The following APEX2 variants were observed in gnomAD, a reference collection of about 807,000 sequenced individuals.
The protein encoded by APEX2 is apurinic/apyrimidinic endodeoxyribonuclease 2.
In APEX2, 4 loss-of-function variants were observed where a neutral mutation model predicts 16.7. The ratio of observed to expected loss-of-function variants is 0.24; its 90% CI spans 0.12 to 0.55. The LOEUF (loss-of-function observed/expected upper bound fraction) is 0.55, where lower values mean the gene tolerates loss of function less well. Among genes scored for constraint, APEX2 ranks in the 20% least tolerant of loss-of-function variants. APEX2 has a pLI of 0.94. For synonymous variants in APEX2, 181 were observed against 166.9 expected, an observed-to-expected ratio of 1.08 and a Z score of -0.65; for missense variants, 357 against 433.6, an observed-to-expected ratio of 0.82 and a Z score of 1.57.
At position 55,007,116 on chromosome X, in the gene APEX2, C is replaced by A. The variant is rs766929098; in HGVS notation, c.1238C>A (p.Pro413His). 8.3e-7 allele frequency: 1 copy of A among 1,210,336 alleles called. No individual in the cohort carries two copies. Residue 413 changes from proline (P) to histidine (H), a missense_variant, in exon 6 of 6, where the codon CCT becomes CAT. Physicochemically the swap from Pro to His is moderately conservative, Grantham distance 77. Coordinates refer to ENST00000374987, the MANE Select transcript of APEX2 (RefSeq NM_014481.4). ...CAAGCCTCTCCTGACATAGAGCTGC[C>A]TAGCCTACCACTGATGAGCGCCCTC... ...CPQASPDIELPSLPLMSALMT... is the reference protein window; with the variant it reads ...CPQASPDIELHSLPLMSALMT...
In APEX2 at chrX:55,006,373, C is replaced by T. The variant is rs769497829; in HGVS notation, c.640-145C>T. On this transcript the variant is annotated intron_variant, in intron 5 of 5. Transcript: ENST00000374987. ...ATCAGAATCCCAGCTCTGCCAATTCCGGACTGTGTGACCTTGAGCAGTAGT... is the reference window on the plus strand; with the variant it reads ...ATCAGAATCCCAGCTCTGCCAATTCTGGACTGTGTGACCTTGAGCAGTAGT... 7.9e-5 allele frequency: 29 copies of T among 365,486 alleles called. No individual in the cohort carries two copies. The South Asian group carries it at 1.6e-3, about 20-fold the overall frequency. The allele number at this position is 365,486 out of a possible 1,213,427, so 30.1% of individuals were successfully genotyped here. A position where few individuals can be genotyped will look rare whatever the true frequency, so the allele number is the denominator to read the frequency against.
At position 55,007,429 on chromosome X, in the gene APEX2, C is replaced by T; in HGVS notation, c.1551C>T (p.Pro517=). The part of the protein sequence containing the change: ...SRCNFFLWSR[P]S ...GCAACTTCTTCCTCTGGAGCAGGCC[C>T]AGCTGAACCAATGGAGGCCTGGGGA... is the stretch of plus-strand genomic sequence containing the variant. Residue 517 remains proline (P), a synonymous_variant, in exon 6 of 6, where the codon CCC becomes CCT. Transcript: ENST00000374987. 1.7e-6 allele frequency: 2 copies of T among 1,157,196 alleles called. No individual in the cohort carries two copies. The highest frequency in any genetic ancestry group is 2.4e-4 in the Middle Eastern group (1 of 4,106).
chrX:55,001,985 C>A (rs1209170723), intron 2 of APEX2, among the ~76,000 whole-genome samples: 1 of 111,756 alleles, frequency 8.9e-6, no homozygotes, highest in Non-Finnish European at 1.9e-5. Context: ...GGGGCTGTTA[C>A]AAGGATTAAA....
intron 3 of APEX2, among the ~76,000 whole-genome samples, chrX:55,002,681 C>CA (rs1935460561): frequency 1.8e-5 from 2 of 111,775 alleles, no homozygotes; most frequent in African/African-American, 6.5e-5. Context: ...ATAGACATCT[C>CA]AAAAGCAACT....
In APEX2 at chrX:55,007,019, C is replaced by T. The variant is rs1298678913; in HGVS notation, c.1141C>T (p.Pro381Ser). Residue 381 changes from proline to serine, a missense_variant, in exon 6 of 6, where the codon CCC (proline) becomes TCC (serine). Transcript: ENST00000374987. ...CCAAGTGCGCTCAACCAGGCCTCAGCCCAGTCAGGTTGGCTCTAGCAGAGG... is the reference window on the plus strand; with the variant it reads ...CCAAGTGCGCTCAACCAGGCCTCAGTCCAGTCAGGTTGGCTCTAGCAGAGG... ...KAQVRSTRPQ[P>S]SQVGSSRGQK... 1 of 1,210,141 alleles carries T rather than the reference C, an allele frequency of 8.3e-7. No homozygotes were observed. The highest frequency in any genetic ancestry group is 2.2e-5 in the Admixed American group (1 of 45,851).
intron 5 of APEX2, 119 bp downstream of exon 5, chrX:55,003,987 C>G: frequency 1.6e-6 from 1 of 613,207 alleles, no homozygotes; most frequent in Non-Finnish European, 2.6e-6. Context: ...GCTTGGCTTG[C>G]AATACTATTC....
At position 55,006,918 on chromosome X, in the gene APEX2, A is replaced by G. The variant is rs1251399551; in HGVS notation, c.1040A>G (p.Glu347Gly). The change falls in exon 6 of 6, where the codon GAA becomes GGA. Residue 347 changes from glutamate to glycine, a missense_variant. By Grantham distance (98) the Glu-to-Gly change is moderately conservative (BLOSUM62 -2). Coordinates refer to ENST00000374987, the MANE Select transcript of APEX2 (RefSeq NM_014481.4). ...ATCCTTCGCTTCCTAGTTCCTCTCGAACAAAGTCCTGTGTTGGAGCAGTCG... is the reference window on the plus strand; with the variant it reads ...ATCCTTCGCTTCCTAGTTCCTCTCGGACAAAGTCCTGTGTTGGAGCAGTCG... The part of the protein sequence containing the change: ...LKILRFLVPL[E>G]QSPVLEQSTL... 7.4e-6 allele frequency: 9 copies of G among 1,211,703 alleles called. No homozygotes were observed. Among genetic ancestry groups the G allele is most frequent in the Non-Finnish European group, 1.0e-5 (9 of 895,496 alleles).
At position 55,002,430 on chromosome X, in the gene APEX2, C is replaced by G. The variant is rs2301416; in HGVS notation, c.421C>G (p.Arg141Gly). 1.3e-5 allele frequency: 15 copies of G among 1,182,046 alleles called. No individual in the cohort carries two copies. Among genetic ancestry groups the G allele is most frequent in the Non-Finnish European group, 1.7e-5 (15 of 883,239 alleles). Residue 141 changes from arginine (R) to glycine (G), a missense_variant and splice_region_variant, in exon 3 of 6, where the codon CGC becomes GGC. Physicochemically the swap from Arg to Gly is moderately radical, Grantham distance 125. Transcript: ENST00000374987. Reference protein sequence around the residue: ...GRALLTQHKIRTWEGKEKTLT... With the variant: ...GRALLTQHKIGTWEGKEKTLT... Reference sequence around the variant, plus strand: ...GGCCCTCCTCACACAGCATAAGATCCGGTAATAGCTCATATCTCCCTGCTA... The same window carrying G: ...GGCCCTCCTCACACAGCATAAGATCGGGTAATAGCTCATATCTCCCTGCTA...
chrX:55,002,934 C>G (rs1261886128), intron 3 of APEX2, 28 bp from the exon 4 acceptor site: 2 of 1,197,705 alleles, frequency 1.7e-6, no homozygotes, highest in Admixed American at 4.5e-5. Context: ...TGAAACTGAC[C>G]CCTTTTGGGG....
Position 55,004,686 on chromosome X carries a change from T to C in APEX2, c.639+818T>C, listed in dbSNP as rs181391127. Among the ~76,000 whole-genome samples the C allele has an allele frequency of 2.7e-5, 3 of 111,440 alleles. No individual in the cohort carries two copies. In the East Asian group the frequency reaches 8.5e-4, roughly 31 times the overall value. ...CCTGTCGGCCCGTTGTAAAAGTTAT[T>C]CTCATTCTGGCTTTTCTCACTGTGC... On this transcript the variant is annotated intron_variant, in intron 5 of 5. Transcript: ENST00000374987.
intron 5 of APEX2, among the ~76,000 whole-genome samples, chrX:55,004,842 A>G (rs1183895756): frequency 9.0e-6 from 1 of 110,537 alleles, no homozygotes; most frequent in Non-Finnish European, 1.9e-5. Flanking sequence ...TCTTAGCACT[A>G]CTCCAGATCA....
chrX:55,004,258 C>T (rs1029770573), intron 5 of APEX2, among the ~76,000 whole-genome samples: 7 of 112,817 alleles, frequency 6.2e-5, no homozygotes, highest in African/African-American at 2.3e-4. Context: ...TCAGGACAGG[C>T]AGCTGAAAAT....
At chrX:55,002,014 A>G (rs1267099823) in intron 2 of APEX2, among the ~76,000 whole-genome samples, 1 of 112,401 alleles carries the variant, frequency 8.9e-6, no homozygotes, top group Non-Finnish European at 1.9e-5. Flanking sequence ...TCCATGTGAT[A>G]ATAATAATTG....
intron 5 of APEX2, 150 bp downstream of exon 5, chrX:55,004,018 C>A: frequency 1.9e-6 from 1 of 519,830 alleles, no homozygotes; most frequent in South Asian, 3.1e-5. Flanking sequence ...GAGGATTGGT[C>A]ATTCATTCAA....
chrX:55,007,569 TC>T lies in APEX2; in HGVS notation c.*136del. On this transcript the variant is annotated 3_prime_UTR_variant, in exon 6 of 6. Coordinates refer to ENST00000374987, the MANE Select transcript of APEX2 (RefSeq NM_014481.4). ...TCTCTTCCTCTTTTAAGCCCTCTCT[TC>T]CTCGCTTTCCTTCCTACCTAGCTCC... The T allele has an allele frequency of 2.7e-6, 2 of 727,408 alleles. No homozygotes were observed. The highest frequency in any genetic ancestry group is 3.8e-6 in the Non-Finnish European group (2 of 521,362). The allele number at this position is 727,408 out of a possible 1,213,427, so 59.9% of individuals were successfully genotyped here.
At chrX:55,005,724 C>G (rs889173481) in intron 5 of APEX2, among the ~76,000 whole-genome samples, 5 of 110,650 alleles carry the variant, frequency 4.5e-5, no homozygotes, top group Non-Finnish European at 9.4e-5. Flanking sequence ...GGTCTTTCCT[C>G]AAGTCTTTTG....
Position 55,007,287 on chromosome X carries a change from G to A in APEX2, c.1409G>A (p.Gly470Glu), listed in dbSNP as rs1202132544. The change falls in exon 6 of 6, where the codon GGG (glycine) becomes GAG (glutamate). Residue 470 changes from glycine (G) to glutamate (E), a missense_variant. By Grantham distance (98) the Gly-to-Glu change is moderately conservative. Coordinates refer to ENST00000374987, the MANE Select transcript of APEX2 (RefSeq NM_014481.4). Reference protein sequence around the residue: ...LAGPLRTPLCGGHREPCVMRT... With the variant: ...LAGPLRTPLCEGHREPCVMRT... ...GGGCCCTTGCGCACACCCCTCTGTGGGGGCCACAGGGAGCCATGTGTGATG... is the reference window on the plus strand; with the variant it reads ...GGGCCCTTGCGCACACCCCTCTGTGAGGGCCACAGGGAGCCATGTGTGATG... 8.3e-7 allele frequency: 1 copy of A among 1,210,532 alleles called. No homozygotes were observed. The highest frequency in any genetic ancestry group is 3.0e-5 in the East Asian group (1 of 33,761).
chrX:55,008,919 CTT>C lies in APEX2; in HGVS notation c.*1486_*1487del. The stretch of plus-strand genomic sequence containing the variant: ...TGTAGTTTTTGGGCATTTCCTTCCT[CTT>C]TCTCATTCTGTTTCCCTGTTGGTAA... On this transcript the variant is annotated 3_prime_UTR_variant, in exon 6 of 6. Transcript: ENST00000374987. 1 of 377,837 alleles carries C rather than the reference CTT, an allele frequency of 2.6e-6. No homozygotes were observed. The highest frequency in any genetic ancestry group is 4.7e-6 in the Non-Finnish European group (1 of 214,710). 31.1% of individuals were successfully genotyped at this position (377,837 alleles called of 1,213,427 possible).
chrX:55,001,332 C>T (rs763366068), intron 1 of APEX2, among the ~76,000 whole-genome samples: 5 of 110,907 alleles, frequency 4.5e-5, no homozygotes, highest in Admixed American at 1.9e-4. Flanking sequence ...TCTCTAACCG[C>T]CCCCCACCAA....
Sources: allele counts gnomAD v4.1 joint callset (sites outside exome capture counted in the v4.1 genomes callset), GRCh38; gene constraint gnomAD v4.1.1; transcripts MANE v1.5; gene names NCBI Gene and HGNC (gene_info 2026-07-23, HGNC 2026-07-21).